The following IL1RL1 variants were observed in gnomAD, a reference collection of about 807,000 sequenced individuals.
IL1RL1 encodes interleukin-1 receptor-like 1.
In IL1RL1, 32 loss-of-function variants were observed where a neutral mutation model predicts 50.9. The observed-to-expected ratio is 0.63, with a 90% CI of 0.47 to 0.84. The LOEUF is 0.84. Among genes scored for constraint, IL1RL1 ranks in the 40% least tolerant of loss-of-function variants. IL1RL1 has a pLI of 0.00. For missense variants in IL1RL1, 773 were observed against 662.9 expected, an observed-to-expected ratio of 1.17 and a Z score of -1.82; for synonymous variants, 275 against 236.0, an observed-to-expected ratio of 1.17 and a Z score of -1.51.
chr2:102,343,232 G>A (rs752764247), intron 7 of IL1RL1, 38 bp from the exon 8 acceptor site: 1 of 1,614,028 alleles, frequency 6.2e-7, no homozygotes, highest in South Asian at 1.1e-5. Flanking sequence ...GTTTGCACCT[G>A]CAAAGTAGGC....
Position 102,351,674 on chromosome 2 carries a change from C to G in IL1RL1, c.1424C>G (p.Ala475Gly), listed in dbSNP as rs1211014445. The part of the protein sequence containing the change: ...ALHCALIQND[A>G]KVILIEMEAL... ...CACTGTGCCCTCATCCAGAACGACGCCAAGGTGATACTTATTGAGATGGAG... is the reference window on the plus strand; with the variant it reads ...CACTGTGCCCTCATCCAGAACGACGGCAAGGTGATACTTATTGAGATGGAG... Residue 475 changes from alanine to glycine, a missense_variant, in exon 11 of 11, where the codon GCC (alanine) becomes GGC (glycine). By Grantham distance (60) the Ala-to-Gly change is moderately conservative (BLOSUM62 0). Coordinates refer to ENST00000233954, the MANE Select transcript of IL1RL1 (RefSeq NM_016232.5). 1.2e-6 allele frequency: 2 copies of G among 1,614,088 alleles called. No homozygotes were observed. The highest frequency in any genetic ancestry group is 2.2e-5 in the South Asian group (2 of 91,080).
chr2:102,351,468 A>G (rs4988955), intron 10 of IL1RL1, 68 bp from the exon 11 acceptor site: 493,064 of 1,336,860 alleles, frequency 0.37, 98,408 homozygotes, highest in African/African-American at 0.7. Flanking sequence ...AGACTTTTAA[A>G]TGTTCAGGAT....
intron 1 of IL1RL1, among the ~76,000 whole-genome samples, chr2:102,313,975 T>C (rs1000045629): frequency 6.6e-6 from 1 of 152,152 alleles, no homozygotes; most frequent in Non-Finnish European, 1.5e-5. Context: ...AAAGGGCTAG[T>C]TAGGCAGGGC....
At chr2:102,330,343 G>C (rs928133284) in intron 1 of IL1RL1, among the ~76,000 whole-genome samples, 1 of 148,192 alleles carries the variant, frequency 6.7e-6, no homozygotes, top group Non-Finnish European at 1.5e-5. Context: ...CCTGTTGTGG[G>C]GTGGGGGGAG....
rs1254673753 is a variant in IL1RL1 at position 102,343,028 on chromosome 2, C to T, written c.683-8C>T. ...ATTTTATTGGTGAATGTCCTTACTC[C>T]CCTCTAGGAAAAAACGCAAACCTAA... On this transcript the variant is annotated splice_polypyrimidine_tract_variant and splice_region_variant and intron_variant, in intron 6 of 10. Coordinates refer to ENST00000233954, the MANE Select transcript of IL1RL1 (RefSeq NM_016232.5). 4 of 1,612,828 alleles carry T rather than the reference C, an allele frequency of 2.5e-6. No homozygotes were observed. The highest frequency in any genetic ancestry group is 3.4e-6 in the Non-Finnish European group (4 of 1,179,502).
At chr2:102,338,408 C>A in intron 2 of IL1RL1, 83 bp downstream of exon 2, 1 of 770,306 alleles carries the variant, frequency 1.3e-6, no homozygotes, top group Non-Finnish European at 2.1e-6. Flanking sequence ...AAGCAGTTTG[C>A]TTCCAGTTGT....
At chr2:102,315,058 T>TC (rs1676637469) in intron 1 of IL1RL1, among the ~76,000 whole-genome samples, 3 of 152,156 alleles carry the variant, frequency 2.0e-5, no homozygotes, top group Admixed American at 1.3e-4. Flanking sequence ...GACTTTTTTT[T>TC]CCCTAATTAG....
intron 4 of IL1RL1, 43 bp downstream of exon 4, chr2:102,340,315 T>G (rs763375092): frequency 1.3e-6 from 2 of 1,502,422 alleles, no homozygotes. Flanking sequence ...ATTACACAAT[T>G]AAAATAGACA....
At chr2:102,318,627 C>T (rs1053434246) in intron 1 of IL1RL1, among the ~76,000 whole-genome samples, 3 of 152,120 alleles carry the variant, frequency 2.0e-5, no homozygotes, top group African/African-American at 2.4e-5. Context: ...GTGTTTCAAA[C>T]CAGTTAACTG....
At position 102,312,013 on chromosome 2, in the gene IL1RL1, TATA is replaced by T. The variant is rs1436664578; in HGVS notation, c.-150+391_-150+393del. ...TTATATATAATATATTTATATATAT[TATA>T]TATAATATATATTATATATTAAATA... On this transcript the variant is annotated intron_variant, in intron 1 of 10. Transcript: ENST00000233954. Among the ~76,000 whole-genome samples the T allele has an allele frequency of 1.5e-3, 36 of 24,350 alleles. 3 individuals carry two copies. The highest frequency in any genetic ancestry group is 4.4e-3 in the African/African-American group (20 of 4,574). 16.0% of individuals were successfully genotyped at this position (24,350 alleles called of 152,430 possible). A position where few individuals can be genotyped will look rare whatever the true frequency, so the allele number is the denominator to read the frequency against.
At chr2:102,349,364 C>G (rs1160911641) in intron 10 of IL1RL1, 118 bp downstream of exon 10, 7 of 744,712 alleles carry the variant, frequency 9.4e-6, no homozygotes, top group Non-Finnish European at 1.6e-5. Flanking sequence ...GCCTTAAGAC[C>G]AGAACTTTAA....
At chr2:102,350,165 C>G (rs1241534586) in intron 10 of IL1RL1, among the ~76,000 whole-genome samples, 1 of 152,216 alleles carries the variant, frequency 6.6e-6, no homozygotes, top group Non-Finnish European at 1.5e-5. Context: ...CCCCATTTTC[C>G]CACTGGCCAC....
intron 5 of IL1RL1, among the ~76,000 whole-genome samples, chr2:102,341,753 G>T (rs1677573915): frequency 6.6e-6 from 1 of 152,134 alleles, no homozygotes; most frequent in Non-Finnish European, 1.5e-5. Flanking sequence ...AGCCTTAGTG[G>T]TCACAGGAGT....
rs565821900 is a variant in IL1RL1, at chr2:102,320,973, C to A, written c.-150+9350C>A. ...AAAAGCCAAGGTGCTCAGGGTGACT[C>A]ACTCGCAATCTAGTCTCTACCCCTC... On this transcript the variant is annotated intron_variant, in intron 1 of 10. Coordinates refer to ENST00000233954, the MANE Select transcript of IL1RL1 (RefSeq NM_016232.5). Among the ~76,000 whole-genome samples the A allele has an allele frequency of 3.3e-5, 5 of 152,338 alleles. No individual in the cohort carries two copies. The South Asian group carries it at 1.0e-3, about 32-fold the overall frequency.
intron 1 of IL1RL1, among the ~76,000 whole-genome samples, chr2:102,320,604 T>G (rs1006830959): frequency 2.6e-5 from 4 of 152,126 alleles, no homozygotes; most frequent in African/African-American, 9.7e-5. Flanking sequence ...ACTAGTGTAA[T>G]CCTACTCTAA....
rs566179866 is a variant in IL1RL1, at chr2:102,345,574, G to C, written c.970+2159G>C. 4 of 985,474 alleles carry C rather than the reference G, an allele frequency of 4.1e-6. No individual in the cohort carries two copies. The South Asian group carries it at 1.9e-4, about 46-fold the overall frequency. 61.0% of individuals were successfully genotyped at this position (985,474 alleles called of 1,614,324 possible). On this transcript the variant is annotated intron_variant, in intron 8 of 10. Coordinates refer to ENST00000233954, the MANE Select transcript of IL1RL1 (RefSeq NM_016232.5). The stretch of plus-strand genomic sequence containing the variant: ...AGAGAGGCACAACAGGAGGAGAAAG[G>C]ATAGGGGTGTGGGGACAGCGGGCCC...
chr2:102,337,091 A>G (rs924171308), intron 1 of IL1RL1: 2 of 152,320 alleles, frequency 1.3e-5, no homozygotes, highest in Non-Finnish European at 1.5e-5. Flanking sequence ...CTCTCAAGGG[A>G]TTACTCAATG....
intron 1 of IL1RL1, among the ~76,000 whole-genome samples, chr2:102,325,315 CA>C (rs1207864210): frequency 6.6e-5 from 10 of 152,142 alleles, no homozygotes; most frequent in Non-Finnish European, 1.2e-4. Flanking sequence ...GGAAAACTAA[CA>C]AACAGAAACG....
At chr2:102,333,457 A>G (rs1171414059) in intron 1 of IL1RL1, among the ~76,000 whole-genome samples, 1 of 152,208 alleles carries the variant, frequency 6.6e-6, no homozygotes, top group Non-Finnish European at 1.5e-5. Flanking sequence ...TACAATTAGA[A>G]GACAATGGGA....
Sources: allele counts gnomAD v4.1 joint callset (sites outside exome capture counted in the v4.1 genomes callset), GRCh38; gene constraint gnomAD v4.1.1; transcripts MANE v1.5; gene names NCBI Gene and HGNC (gene_info 2026-07-23, HGNC 2026-07-21).